DENND5B: variants seen among roughly 807,000 people sequenced by gnomAD.
The protein encoded by DENND5B is DENN domain-containing protein 5B.
Under a neutral mutation model 140.6 loss-of-function variants are expected in DENND5B, and 34 were observed. The observed-to-expected ratio is 0.24, with a 90% CI of 0.18 to 0.32. The LOEUF is 0.32. DENND5B is among the 10% of genes least tolerant of loss of function. The probability of loss-of-function intolerance (pLI) is 1.00; values close to 1 mark genes in which losing one functional copy is unlikely to be tolerated. For missense variants in DENND5B, 1,142 were observed against 1,560.2 expected (o/e 0.73, Z 4.52); for synonymous variants, 551 against 562.1 (o/e 0.98, Z 0.28).
At chr12:31,546,513 C>T (rs775750191) in intron 1 of DENND5B, among the ~76,000 whole-genome samples, 5 of 151,996 alleles carry the variant, frequency 3.3e-5, no homozygotes, top group Non-Finnish European at 5.9e-5. Context: ...ATGGTGAAAC[C>T]ACATCTCTAC....
intron 1 of DENND5B, among the ~76,000 whole-genome samples, chr12:31,576,433 G>C (rs191630678): frequency 1.2e-3 from 186 of 151,864 alleles, no homozygotes; most frequent in African/African-American, 4.3e-3. Context: ...TCCAGCCTGG[G>C]AGACAGAGCA....
chr12:31,444,036 C>T (rs1414841019), intron 6 of DENND5B: 2 of 152,116 alleles, frequency 1.3e-5, no homozygotes, highest in African/African-American at 4.8e-5. Flanking sequence ...TAAATAAAAC[C>T]TGATCTTAAA....
intron 4 of DENND5B, among the ~76,000 whole-genome samples, chr12:31,457,619 G>A (rs938932635): frequency 2.0e-5 from 3 of 152,010 alleles, no homozygotes; most frequent in Admixed American, 6.6e-5. Flanking sequence ...TCACCTCATT[G>A]TAAAATGATA....
Position 31,479,883 on chromosome 12 carries a change from A to T in DENND5B, c.610T>A (p.Cys204Ser). ...LITPLPFMQA[C>S]KKFLIQLYKA... Reference sequence around the variant, plus strand: ...TAAAGCTGGATAAGGAATTTCTTGCAGGCCTGCATGAATGGTAACGGTGTG... The same window carrying T: ...TAAAGCTGGATAAGGAATTTCTTGCTGGCCTGCATGAATGGTAACGGTGTG... Residue 204 changes from cysteine to serine, a missense_variant, in exon 3 of 21, where the codon TGC becomes AGC. Around this residue, in one of 5 missense-constraint regions of DENND5B, gnomAD observed 708 missense variants for 905.5 expected, o/e 0.78. Transcript: ENST00000389082. 6.2e-7 allele frequency: 1 copy of T among 1,613,968 alleles called. No homozygotes were observed. The highest frequency in any genetic ancestry group is 8.5e-7 in the Non-Finnish European group (1 of 1,179,824).
chr12:31,385,190 T>G lies in DENND5B; in HGVS notation c.*2413A>C, dbSNP rs1167102456. 6.6e-6 allele frequency: 1 copy of G among 152,202 alleles called. No individual in the cohort carries two copies. Among genetic ancestry groups the G allele is most frequent in the Non-Finnish European group, 1.5e-5 (1 of 68,038 alleles). The allele number at this position is 152,202 out of a possible 1,614,324, so 9.4% of individuals were successfully genotyped here. ...CATCCTTATTTCCTACTTGTATAGG[T>G]GGATGAATAAAGATCCAATAGTATA... On this transcript the variant is annotated 3_prime_UTR_variant, in exon 21 of 21. Coordinates refer to ENST00000389082, the MANE Select transcript of DENND5B (RefSeq NM_144973.4).
intron 10 of DENND5B, among the ~76,000 whole-genome samples, chr12:31,424,014 C>G (rs1344184688): frequency 6.6e-6 from 1 of 152,106 alleles, no homozygotes; most frequent in African/African-American, 2.4e-5. Flanking sequence ...TTAAAATGCT[C>G]TAGCAGCACA....
chr12:31,436,157 T>A (rs549889621), intron 7 of DENND5B, among the ~76,000 whole-genome samples: 1 of 150,692 alleles, frequency 6.6e-6, no homozygotes, highest in Non-Finnish European at 1.5e-5. Context: ...CAGGCTGGAG[T>A]GCAGTGGCGT....
At chr12:31,588,088 T>C (rs1345393413) in intron 1 of DENND5B, among the ~76,000 whole-genome samples, 2 of 152,268 alleles carry the variant, frequency 1.3e-5, no homozygotes, top group Middle Eastern at 3.4e-3. Context: ...ACTCTCCCTC[T>C]CCCTCAGCTC....
chr12:31,425,167 C>T (rs998748909), intron 9 of DENND5B, among the ~76,000 whole-genome samples: 18 of 152,054 alleles, frequency 1.2e-4, no homozygotes, highest in Non-Finnish European at 2.2e-4. Flanking sequence ...ACAAGTTAGC[C>T]GGGCAGTAGT....
intron 3 of DENND5B, among the ~76,000 whole-genome samples, chr12:31,475,761 C>G (rs1323146475): frequency 6.6e-6 from 1 of 151,142 alleles, no homozygotes; most frequent in Non-Finnish European, 1.5e-5. Flanking sequence ...AACAAACAAA[C>G]AAAAAAAGAG....
chr12:31,471,143 C>A (rs542918842), intron 3 of DENND5B, among the ~76,000 whole-genome samples: 5 of 150,326 alleles, frequency 3.3e-5, no homozygotes, highest in South Asian at 2.1e-4. Context: ...CTGGTCAGGG[C>A]GTGACAACTA....
chr12:31,451,895 T>TA (rs542209985), intron 5 of DENND5B, 45 bp downstream of exon 5: 284 of 1,593,740 alleles, frequency 1.8e-4, no homozygotes, highest in Admixed American at 1.2e-3. Context: ...AAATCAATAA[T>TA]AAAGCCACTA....
chr12:31,530,369 T>C (rs1450528858), intron 1 of DENND5B, among the ~76,000 whole-genome samples: 2 of 152,090 alleles, frequency 1.3e-5, no homozygotes, highest in African/African-American at 2.4e-5. Flanking sequence ...CAAGACTCCA[T>C]CTCGAAAAAA....
chr12:31,544,504 C>T (rs959736966), intron 1 of DENND5B, among the ~76,000 whole-genome samples: 2 of 152,094 alleles, frequency 1.3e-5, no homozygotes, highest in Admixed American at 6.5e-5. Context: ...AGGCTGGTCT[C>T]GAGGTCCTGG....
At chr12:31,445,002 A>G (rs1279623557) in intron 6 of DENND5B, among the ~76,000 whole-genome samples, 1 of 152,244 alleles carries the variant, frequency 6.6e-6, no homozygotes, top group African/African-American at 2.4e-5. Context: ...CTATTTAAGT[A>G]AAGTGGGAAA....
chr12:31,461,807 C>T (rs1369862396), intron 3 of DENND5B, among the ~76,000 whole-genome samples: 2 of 152,118 alleles, frequency 1.3e-5, no homozygotes, highest in Non-Finnish European at 2.9e-5. Context: ...TTTCACAGAA[C>T]CCACTGTGAA....
At chr12:31,551,022 C>T (rs1949041898) in intron 1 of DENND5B, among the ~76,000 whole-genome samples, 1 of 152,138 alleles carries the variant, frequency 6.6e-6, no homozygotes, top group Non-Finnish European at 1.5e-5. Flanking sequence ...TGCCTGTTCA[C>T]TCTGATGGTA....
At chr12:31,449,730 A>AGTTTTTTTTTTTT (rs1555149721) in intron 5 of DENND5B, among the ~76,000 whole-genome samples, 5 of 24,404 alleles carry the variant, frequency 2.0e-4, no homozygotes, top group South Asian at 5.1e-3. Flanking sequence ...TACACAGATT[A>AGTTTTTTTTTTTT]GTTTTTTTTT....
intron 15 of DENND5B, 110 bp from the exon 16 acceptor site, chr12:31,399,882 G>T (rs1391678678): frequency 1.1e-5 from 8 of 711,922 alleles, no homozygotes; most frequent in Non-Finnish European, 7.2e-6. Context: ...GACAAACCCT[G>T]CATAATGTAT....
Sources: gnomAD v4.1 joint callset for allele counts (sites outside exome capture counted in the v4.1 genomes callset) on GRCh38, gnomAD v4.1.1 for gene constraint, gnomAD v4.1.1 regional missense constraint, MANE v1.5 for transcripts, NCBI Gene and HGNC (gene_info 2026-07-23, HGNC 2026-07-21) for gene names.